The following ZEB1 variants were observed in gnomAD, a reference collection of about 807,000 sequenced individuals.
ZEB1 encodes zinc finger E-box-binding homeobox 1.
ZEB1 carries 21 observed loss-of-function variants against 84.9 expected under a neutral mutation model. The ratio of observed to expected loss-of-function variants is 0.25; its 90% CI spans 0.18 to 0.36. The LOEUF is 0.36. Ranked by LOEUF, ZEB1 falls within the 10% of genes least tolerant of loss-of-function variation. The pLI is 1.00. For missense variants in ZEB1, 1,104 were observed against 1,330.2 expected (o/e 0.83, Z 2.65); for synonymous variants, 420 against 471.1 (o/e 0.89, Z 1.41).
At chr10:31,407,632 A>C (rs1485526386) in intron 1 of ZEB1, among the ~76,000 whole-genome samples, 1 of 152,176 alleles carries the variant, frequency 6.6e-6, no homozygotes, top group East Asian at 1.9e-4. Flanking sequence ...GGCTGGGTCA[A>C]AGACAAAAAC....
chr10:31,455,699 C>T (rs1318011436), intron 1 of ZEB1, among the ~76,000 whole-genome samples: 1 of 152,142 alleles, frequency 6.6e-6, no homozygotes, highest in African/African-American at 2.4e-5. Flanking sequence ...AAATCAAAAC[C>T]ACAATGAGAT....
In ZEB1 at chr10:31,368,394, C is replaced by T. The variant is rs142703374; in HGVS notation, c.58+49102C>T. Among the ~76,000 whole-genome samples the T allele has an allele frequency of 5.5e-3, 844 of 152,206 alleles. 12 individuals carry two copies. The highest frequency in any genetic ancestry group is 0.019 in the African/African-American group (809 of 41,520). On this transcript the variant is annotated intron_variant, in intron 1 of 8. Transcript: ENST00000424869. ...CTGGTCTTAAACTCCTGGGCTCAAG[C>T]GATCCTCCCACCTTGACCTCTCAAA...
chr10:31,421,916 C>T (rs2056221138), intron 1 of ZEB1, among the ~76,000 whole-genome samples: 2 of 152,062 alleles, frequency 1.3e-5, no homozygotes, highest in South Asian at 4.1e-4. Flanking sequence ...TGCACCAACT[C>T]AAATCACAGT....
At chr10:31,480,985 T>A (rs2064971774) in intron 2 of ZEB1, among the ~76,000 whole-genome samples, 1 of 152,084 alleles carries the variant, frequency 6.6e-6, no homozygotes, top group African/African-American at 2.4e-5. Context: ...AAATAAGCTC[T>A]ACAAAAGGGT....
At chr10:31,378,070 T>C (rs1262594225) in intron 1 of ZEB1, among the ~76,000 whole-genome samples, 1 of 149,852 alleles carries the variant, frequency 6.7e-6, no homozygotes, top group African/African-American at 2.4e-5. Flanking sequence ...TAAATATCCA[T>C]ATATAATATA....
intron 1 of ZEB1, chr10:31,363,971 C>T (rs1331834126): frequency 7.7e-7 from 1 of 1,292,972 alleles, no homozygotes; most frequent in Admixed American, 3.2e-5. Context: ...GCCTCACGGA[C>T]AAGACGAGCA....
chr10:31,469,006 G>A (rs1223253816), intron 2 of ZEB1, among the ~76,000 whole-genome samples: 1 of 152,092 alleles, frequency 6.6e-6, no homozygotes, highest in African/African-American at 2.4e-5. Flanking sequence ...ACAAGAGAAA[G>A]TTGAAAACCA....
intron 3 of ZEB1, 128 bp downstream of exon 3, chr10:31,495,966 T>A: frequency 1.0e-6 from 1 of 996,900 alleles, no homozygotes; most frequent in Non-Finnish European, 1.6e-6. Context: ...CTTAAATGTT[T>A]AAGTACTTAG....
At chr10:31,364,435 C>T (rs1008682044) in intron 1 of ZEB1, among the ~76,000 whole-genome samples, 8 of 152,142 alleles carry the variant, frequency 5.3e-5, no homozygotes, top group South Asian at 2.1e-4. Context: ...CTGTTTTGGC[C>T]GGCCCTGTCC....
chr10:31,366,318 T>G lies in ZEB1; in HGVS notation c.58+47026T>G, dbSNP rs1304269347. ...TCACTGCCAATTAATTAATTTTGTT[T>G]TGTTTTATTTAATTTTGTAAAGACA... is the stretch of plus-strand genomic sequence containing the variant. On this transcript the variant is annotated intron_variant, in intron 1 of 8. Transcript: ENST00000424869. 2.3e-4 allele frequency among the ~76,000 whole-genome samples: 35 copies of G among 152,224 alleles called. 1 individual carries two copies. Among genetic ancestry groups the G allele is most frequent in the Admixed American group, 2.3e-3 (35 of 15,280 alleles).
chr10:31,488,194 G>A (rs758573902), intron 2 of ZEB1, among the ~76,000 whole-genome samples: 1 of 150,928 alleles, frequency 6.6e-6, no homozygotes, highest in Non-Finnish European at 1.5e-5. Context: ...AGTGAAAGTT[G>A]GTCCTGGAGT....
intron 2 of ZEB1, among the ~76,000 whole-genome samples, chr10:31,492,087 A>G (rs2066611065): frequency 6.6e-6 from 1 of 151,880 alleles, no homozygotes; most frequent in African/African-American, 2.4e-5. Context: ...GAGAGATGTG[A>G]ATTGGCCTTT....
Position 31,527,338 on chromosome 10 carries a change from AAC to A in ZEB1, c.*78_*79del. 1 of 1,536,078 alleles carries A rather than the reference AAC, an allele frequency of 6.5e-7. No individual in the cohort carries two copies. The highest frequency in any genetic ancestry group is 8.7e-7 in the Non-Finnish European group (1 of 1,145,044). On this transcript the variant is annotated 3_prime_UTR_variant, in exon 9 of 9. Coordinates refer to ENST00000424869, the MANE Select transcript of ZEB1 (RefSeq NM_001174096.2). The stretch of plus-strand genomic sequence containing the variant: ...CAATATTATCCTTGCTTTTCATGGA[AAC>A]ACAGTAACCTGTATGCTGTGATTCC...
rs2073763078 is a variant in ZEB1, at chr10:31,527,798, TG to T, written c.*535del. The T allele has an allele frequency of 6.3e-6, 1 of 158,812 alleles. No individual in the cohort carries two copies. The highest frequency in any genetic ancestry group is 2.4e-5 in the African/African-American group (1 of 41,474). The allele number at this position is 158,812 out of a possible 1,614,324, so 9.8% of individuals were successfully genotyped here. On this transcript the variant is annotated 3_prime_UTR_variant, in exon 9 of 9. Coordinates refer to ENST00000424869, the MANE Select transcript of ZEB1 (RefSeq NM_001174096.2). The stretch of plus-strand genomic sequence containing the variant: ...AAATTCCCTTCACAGAGAAGTATAA[TG>T]TAGTTCCAACCCGTGCTAACTACCT...
chr10:31,387,275 T>TGTGTA lies in ZEB1; in HGVS notation c.58+67987_58+67991dup. The TGTGTA allele has an allele frequency of 3.0e-6, 3 of 985,776 alleles. No homozygotes were observed. In the South Asian group the frequency reaches 1.4e-4, roughly 46 times the overall value. 61.1% of individuals were successfully genotyped at this position (985,776 alleles called of 1,614,324 possible). Reference sequence around the variant, plus strand: ...CACCTTGTTCTCTAAAGGTAAGCACTGTGTAGTGAGTGCACACTCGTGGGC... The same window carrying TGTGTA: ...CACCTTGTTCTCTAAAGGTAAGCACTGTGTAGTGTAGTGAGTGCACACTCGTGGGC... On this transcript the variant is annotated intron_variant, in intron 1 of 8. Transcript: ENST00000424869.
chr10:31,367,508 A>T (rs1170835178), intron 1 of ZEB1, among the ~76,000 whole-genome samples: 2 of 152,124 alleles, frequency 1.3e-5, no homozygotes, highest in Non-Finnish European at 2.9e-5. Context: ...TGCAACTATT[A>T]ACCTAATGTT....
intron 2 of ZEB1, among the ~76,000 whole-genome samples, chr10:31,473,026 T>A (rs1591640002): frequency 7.0e-6 from 1 of 142,816 alleles, no homozygotes; most frequent in African/African-American, 2.8e-5. Flanking sequence ...TGCTAAAAAC[T>A]CTCAATAAAT....
At chr10:31,360,736 TATCCCC>T (rs1259052349) in intron 1 of ZEB1, among the ~76,000 whole-genome samples, 1 of 152,256 alleles carries the variant, frequency 6.6e-6, no homozygotes, top group Non-Finnish European at 1.5e-5. Flanking sequence ...ATTTTATGAA[TATCCCC>T]AGAGAGTTCG....
intron 1 of ZEB1, among the ~76,000 whole-genome samples, chr10:31,434,640 A>G (rs990709338): frequency 2.0e-5 from 3 of 152,162 alleles, no homozygotes; most frequent in Middle Eastern, 3.2e-3. Context: ...ATTTTTCATA[A>G]CACTTAATCC....
Sources: allele counts gnomAD v4.1 joint callset (sites outside exome capture counted in the v4.1 genomes callset), GRCh38; gene constraint gnomAD v4.1.1; transcripts MANE v1.5; gene names NCBI Gene and HGNC (gene_info 2026-07-23, HGNC 2026-07-21).